Variants in PTPRM observed in about 807,000 individuals in gnomAD.
PTPRM encodes protein tyrosine phosphatase receptor type M.
In PTPRM, 47 loss-of-function variants were observed where a neutral mutation model predicts 186.7. The observed-to-expected ratio is 0.25, with a 90% CI of 0.20 to 0.32. The LOEUF (loss-of-function observed/expected upper bound fraction) is 0.32. PTPRM is among the 10% of genes least tolerant of loss of function. The probability of loss-of-function intolerance (pLI) is 1.00; values close to 1 mark genes in which losing one functional copy is unlikely to be tolerated. For synonymous variants in PTPRM, 668 were observed against 674.9 expected (o/e 0.99, Z 0.16); for missense variants, 1,494 against 1,865.0 (o/e 0.80, Z 3.66).
chr18:8,067,490 T>C (rs2089175613), intron 7 of PTPRM, among the ~76,000 whole-genome samples: 1 of 152,254 alleles, frequency 6.6e-6, no homozygotes, highest in Non-Finnish European at 1.5e-5. Flanking sequence ...GGAGGAGTTT[T>C]CATCTTTGGT....
intron 7 of PTPRM, among the ~76,000 whole-genome samples, chr18:8,040,683 ATATAAT>A (rs1452423913): frequency 6.6e-6 from 1 of 152,194 alleles, no homozygotes; most frequent in Admixed American, 6.5e-5. Context: ...AACAGTAAAC[ATATAAT>A]TGTTCGATGA....
At chr18:8,172,017 G>A (rs1454277803) in intron 14 of PTPRM, among the ~76,000 whole-genome samples, 2 of 152,120 alleles carry the variant, frequency 1.3e-5, no homozygotes, top group African/African-American at 4.8e-5. Flanking sequence ...TACTGAATGC[G>A]GATAGCTTTA....
At chr18:7,774,306 G>T in intron 2 of PTPRM, 35 bp downstream of exon 2, 1 of 1,606,630 alleles carries the variant, frequency 6.2e-7, no homozygotes, top group Non-Finnish European at 8.5e-7. Context: ...TTTTAAAGAG[G>T]AACACAAGAG....
intron 21 of PTPRM, among the ~76,000 whole-genome samples, chr18:8,316,608 CTG>C (rs1284291545): frequency 6.6e-6 from 1 of 152,182 alleles, no homozygotes; most frequent in Non-Finnish European, 1.5e-5. Context: ...AGCAGAAAAA[CTG>C]TGAACCGTTC....
chr18:7,850,021 A>T (rs1280143365), intron 2 of PTPRM, among the ~76,000 whole-genome samples: 1 of 152,216 alleles, frequency 6.6e-6, no homozygotes, highest in Non-Finnish European at 1.5e-5. Context: ...TAGTAAAACT[A>T]TCCCTGTTTT....
chr18:8,392,037 G>A lies in PTPRM; in HGVS notation c.4209-2439G>A, dbSNP rs148525909. Among the ~76,000 whole-genome samples, 4 of 152,236 alleles carry A rather than the reference G, an allele frequency of 2.6e-5. No individual in the cohort carries two copies. In the East Asian group the frequency reaches 7.7e-4, roughly 29 times the overall value. ...GTGGGACTCTCTACAGGACACAGAT[G>A]AACTTGTTTCCTCAACAAATAAATT... On this transcript the variant is annotated intron_variant, in intron 31 of 32. Coordinates refer to ENST00000580170, the MANE Select transcript of PTPRM (RefSeq NM_001105244.2).
At chr18:8,206,915 A>G (rs2093939300) in intron 14 of PTPRM, among the ~76,000 whole-genome samples, 1 of 152,064 alleles carries the variant, frequency 6.6e-6, no homozygotes, top group Admixed American at 6.6e-5. Context: ...AGGCTGCGGG[A>G]GGACAGAGGC....
chr18:7,916,058 A>T (rs766172570), intron 4 of PTPRM, among the ~76,000 whole-genome samples: 3 of 151,938 alleles, frequency 2.0e-5, no homozygotes, highest in Non-Finnish European at 4.4e-5. Context: ...CAGTGTGTAT[A>T]TATGGACATA....
intron 23 of PTPRM, among the ~76,000 whole-genome samples, chr18:8,363,611 G>A (rs1468427044): frequency 6.6e-6 from 1 of 152,156 alleles, no homozygotes; most frequent in Non-Finnish European, 1.5e-5. Context: ...CTTGCTGGTG[G>A]CAAATCTCCC....
At chr18:7,824,093 T>C (rs12963758) in intron 2 of PTPRM, among the ~76,000 whole-genome samples, 5,467 of 152,244 alleles carry the variant, frequency 0.036, 147 homozygotes, top group Non-Finnish European at 0.054. Context: ...CCTAGGCCAC[T>C]TTCACTGTCA....
intron 14 of PTPRM, among the ~76,000 whole-genome samples, chr18:8,206,174 G>T (rs1177141567): frequency 6.6e-6 from 1 of 152,188 alleles, no homozygotes; most frequent in Non-Finnish European, 1.5e-5. Context: ...AGTAGTAGAA[G>T]CAGAGAGAAA....
At chr18:7,578,549 A>G (rs868659365) in intron 1 of PTPRM, among the ~76,000 whole-genome samples, 4 of 151,650 alleles carry the variant, frequency 2.6e-5, no homozygotes, top group Non-Finnish European at 5.9e-5. Flanking sequence ...GTTAGCCAGG[A>G]TGGTCTCGAT....
intron 1 of PTPRM, among the ~76,000 whole-genome samples, chr18:7,570,229 C>T (rs2036534577): frequency 6.6e-6 from 1 of 152,182 alleles, no homozygotes; most frequent in Non-Finnish European, 1.5e-5. Context: ...TTAGGTAGTA[C>T]AGGTGTGAAT....
At chr18:8,003,301 A>G (rs1382687396) in intron 7 of PTPRM, among the ~76,000 whole-genome samples, 1 of 152,206 alleles carries the variant, frequency 6.6e-6, no homozygotes, top group African/African-American at 2.4e-5. Context: ...TAAGACAAGA[A>G]GTGCCTTTGC....
At chr18:8,088,603 A>G (rs1463907291) in intron 10 of PTPRM, 146 bp from the exon 11 acceptor site, 6 of 645,334 alleles carry the variant, frequency 9.3e-6, no homozygotes, top group Admixed American at 2.3e-5. Context: ...TAGGGAATAT[A>G]TGTGAAGCTT....
intron 1 of PTPRM, among the ~76,000 whole-genome samples, chr18:7,671,401 C>A (rs1050346617): frequency 9.9e-5 from 15 of 152,188 alleles, no homozygotes; most frequent in African/African-American, 3.4e-4. Flanking sequence ...GCCTCTCCCC[C>A]TTTTCTTCCT....
intron 1 of PTPRM, among the ~76,000 whole-genome samples, chr18:7,644,448 G>A (rs958941907): frequency 6.6e-6 from 1 of 152,128 alleles, no homozygotes; most frequent in African/African-American, 2.4e-5. Flanking sequence ...CTATGTAGAA[G>A]AGTCAGCTTT....
At chr18:7,780,166 A>G (rs2042785348) in intron 2 of PTPRM, among the ~76,000 whole-genome samples, 1 of 152,226 alleles carries the variant, frequency 6.6e-6, no homozygotes, top group Non-Finnish European at 1.5e-5. Flanking sequence ...TAGAAAACAA[A>G]GTAATCTTGT....
At chr18:8,252,259 T>C (rs376713027) in intron 17 of PTPRM, among the ~76,000 whole-genome samples, 4 of 152,350 alleles carry the variant, frequency 2.6e-5, no homozygotes, top group Admixed American at 1.3e-4. Flanking sequence ...GCAATTATGA[T>C]GCTAATTTTA....
Sources: gnomAD v4.1 joint callset for allele counts (sites outside exome capture counted in the v4.1 genomes callset) on GRCh38, gnomAD v4.1.1 for gene constraint, MANE v1.5 for transcripts, NCBI Gene and HGNC (gene_info 2026-07-23, HGNC 2026-07-21) for gene names.